The following SLC35F4 variants were observed in gnomAD, a reference collection of about 807,000 sequenced individuals.
The protein encoded by SLC35F4 is solute carrier family 35 member F4.
A neutral mutation model predicts 44.2 loss-of-function variants in SLC35F4; 24 were observed. The ratio of observed to expected loss-of-function variants is 0.54; its 90% CI spans 0.39 to 0.76. The LOEUF (loss-of-function observed/expected upper bound fraction) is 0.76, where lower values mean the gene tolerates loss of function less well. Ranked by LOEUF, SLC35F4 falls within the 30% of genes least tolerant of loss-of-function variation. The pLI is 0.00. For synonymous variants in SLC35F4, 238 were observed against 223.6 expected, an observed-to-expected ratio of 1.06 and a Z score of -0.57; for missense variants, 562 against 586.1, an observed-to-expected ratio of 0.96 and a Z score of 0.42.
chr14:57,564,386 A>C lies in SLC35F4; in HGVS notation c.1217-10T>G. 6.3e-7 allele frequency: 1 copy of C among 1,597,078 alleles called. No homozygotes were observed. Among genetic ancestry groups the C allele is most frequent in the Non-Finnish European group, 8.5e-7 (1 of 1,170,914 alleles). Reference sequence around the variant, plus strand: ...TTTAGGAGATCCACAGCTAGGAAAGAAAAATCAAGTCAGTCATTTCCTATG... The same window carrying C: ...TTTAGGAGATCCACAGCTAGGAAAGCAAAATCAAGTCAGTCATTTCCTATG... On this transcript the variant is annotated splice_polypyrimidine_tract_variant and intron_variant, in intron 7 of 7. Transcript: ENST00000556826.
At chr14:57,676,336 A>AACCAAACACCACATGTTCTC (rs2074691771) in intron 1 of SLC35F4, among the ~76,000 whole-genome samples, 1 of 152,108 alleles carries the variant, frequency 6.6e-6, no homozygotes, top group Non-Finnish European at 1.5e-5. Flanking sequence ...AGGAACGGAA[A>AACCAAACACCACATGTTCTC]ACCAAACACC....
chr14:57,653,531 C>A (rs984167915), intron 1 of SLC35F4, among the ~76,000 whole-genome samples: 1 of 152,156 alleles, frequency 6.6e-6, no homozygotes, highest in Non-Finnish European at 1.5e-5. Flanking sequence ...CAGTGTCCAA[C>A]CTTGTAGGAA....
intron 1 of SLC35F4, among the ~76,000 whole-genome samples, chr14:57,774,292 T>G (rs1417377706): frequency 6.6e-6 from 1 of 151,920 alleles, no homozygotes; most frequent in Non-Finnish European, 1.5e-5. Context: ...GAGGAGTGAG[T>G]TGAACAGGCA....
chr14:57,737,122 G>C (rs1406993429), intron 1 of SLC35F4, among the ~76,000 whole-genome samples: 1 of 151,158 alleles, frequency 6.6e-6, no homozygotes, highest in African/African-American at 2.5e-5. Context: ...GTGTGTGTGT[G>C]TGCATGTGTG....
At chr14:57,727,137 C>T (rs921698471) in intron 1 of SLC35F4, among the ~76,000 whole-genome samples, 1 of 120,168 alleles carries the variant, frequency 8.3e-6, no homozygotes, top group African/African-American at 3.3e-5. Flanking sequence ...TATATATGTA[C>T]ATATATATAT....
intron 1 of SLC35F4, among the ~76,000 whole-genome samples, chr14:57,926,503 C>T (rs1413749403): frequency 1.3e-5 from 2 of 152,182 alleles, no homozygotes; most frequent in South Asian, 2.1e-4. Flanking sequence ...GGGAAACAAC[C>T]TTCTGAGGAG....
chr14:57,702,467 T>C (rs2075568385), intron 1 of SLC35F4, among the ~76,000 whole-genome samples: 2 of 152,190 alleles, frequency 1.3e-5, no homozygotes, highest in Non-Finnish European at 2.9e-5. Flanking sequence ...TGTCCTTGCA[T>C]ATGACAGGTC....
At chr14:57,934,370 A>C (rs918534777) in intron 1 of SLC35F4, among the ~76,000 whole-genome samples, 1 of 148,944 alleles carries the variant, frequency 6.7e-6, no homozygotes, top group Non-Finnish European at 1.5e-5. Flanking sequence ...CAAGCATACT[A>C]GATGTCTTCG....
intron 1 of SLC35F4, among the ~76,000 whole-genome samples, chr14:57,656,979 T>C (rs2073991476): frequency 6.6e-6 from 1 of 152,218 alleles, no homozygotes; most frequent in Non-Finnish European, 1.5e-5. Flanking sequence ...AATATAAATA[T>C]CTGTTTCCTC....
intron 1 of SLC35F4, among the ~76,000 whole-genome samples, chr14:57,755,890 G>A (rs1225080627): frequency 3.3e-5 from 5 of 152,186 alleles, no homozygotes; most frequent in African/African-American, 7.2e-5. Flanking sequence ...TGCCAGCCTC[G>A]GAGGCCAGGC....
chr14:57,587,870 C>CAAA (rs60521934), intron 3 of SLC35F4, among the ~76,000 whole-genome samples: 33,250 of 124,386 alleles, frequency 0.27, 4,041 homozygotes, highest in Non-Finnish European at 0.32. Context: ...ATGCACCTTC[C>CAAA]AAAAAAAAAA....
rs74942088 is a variant in SLC35F4, at chr14:57,942,961, T to C, written n.282+38952A>G. On this transcript the variant is annotated intron_variant and non_coding_transcript_variant, in intron 1 of 1. Transcript: ENST00000556568. ...AGGGATTGGTTCAAGGTCACATACT[T>C]AGTAAAAGCACAGACTAGGCTTGAA... Among the ~76,000 whole-genome samples, 3,105 of 152,282 alleles carry C rather than the reference T, an allele frequency of 0.02. 342 individuals are homozygous for C. In the East Asian group the frequency reaches 0.35, roughly 17 times the overall value.
chr14:57,943,303 G>T (rs946395547), intron 1 of SLC35F4, among the ~76,000 whole-genome samples: 1 of 152,214 alleles, frequency 6.6e-6, no homozygotes, highest in Non-Finnish European at 1.5e-5. Flanking sequence ...TACAGCTGCT[G>T]TTTACTGACG....
At chr14:57,595,766 G>C (rs1260403008) in intron 1 of SLC35F4, 1 of 152,080 alleles carries the variant, frequency 6.6e-6, no homozygotes, top group South Asian at 2.1e-4. Flanking sequence ...TTGCGTTTGA[G>C]CTCTTCCTTA....
intron 1 of SLC35F4, among the ~76,000 whole-genome samples, chr14:57,864,116 C>A (rs1161378035): frequency 1.3e-5 from 2 of 152,144 alleles, no homozygotes; most frequent in Admixed American, 1.3e-4. Context: ...ATAAACCACC[C>A]TGAGTCTTGT....
At chr14:57,788,526 G>A (rs2077827510) in intron 1 of SLC35F4, among the ~76,000 whole-genome samples, 1 of 152,140 alleles carries the variant, frequency 6.6e-6, no homozygotes, top group Non-Finnish European at 1.5e-5. Context: ...CATAAAATGA[G>A]TCTCAATAAA....
intron 1 of SLC35F4, among the ~76,000 whole-genome samples, chr14:57,668,576 G>A (rs1355815964): frequency 1.3e-5 from 2 of 151,926 alleles, no homozygotes; most frequent in African/African-American, 4.8e-5. Context: ...AGCACCATTT[G>A]TTAAATAGGG....
intron 1 of SLC35F4, among the ~76,000 whole-genome samples, chr14:57,851,827 C>T (rs1886599842): frequency 6.6e-6 from 1 of 152,140 alleles, no homozygotes; most frequent in Admixed American, 6.5e-5. Context: ...ATGTACCATG[C>T]TAATGAAAAG....
At position 57,615,781 on chromosome 14, in the gene SLC35F4, C is replaced by T. The variant is rs565850543; in HGVS notation, c.104-21657G>A. 2.3e-4 allele frequency among the ~76,000 whole-genome samples: 30 copies of T among 129,924 alleles called. No homozygotes were observed. The East Asian group carries it at 6.1e-3, about 26-fold the overall frequency. 85.2% of individuals were successfully genotyped at this position (129,924 alleles called of 152,430 possible). On this transcript the variant is annotated intron_variant, in intron 1 of 7. Coordinates refer to ENST00000556826, the MANE Select transcript of SLC35F4 (RefSeq NM_001306087.2). ...CCATGGCACCCAATGTGAAATTGAT[C>T]CTCTTTACAAAACAATATTATGAGG...
Sources: gnomAD v4.1 joint callset for allele counts (sites outside exome capture counted in the v4.1 genomes callset) on GRCh38, gnomAD v4.1.1 for gene constraint, MANE v1.5 for transcripts, NCBI Gene and HGNC (gene_info 2026-07-23, HGNC 2026-07-21) for gene names.